Variants in ZNF703 observed in about 807,000 individuals in gnomAD.
ZNF703 encodes zinc finger protein 703.
In ZNF703, 18 loss-of-function variants were observed where a neutral mutation model predicts 30.7. That is an observed-to-expected ratio of 0.59 (90% CI 0.40 to 0.87). ZNF703 has a LOEUF of 0.87. Ranked by LOEUF, ZNF703 falls within the 40% of genes least tolerant of loss-of-function variation. The probability of loss-of-function intolerance (pLI) is 0.00; values close to 1 mark genes in which losing one functional copy is unlikely to be tolerated. For synonymous variants in ZNF703, 457 were observed against 438.6 expected (o/e 1.04, Z -0.52); for missense variants, 814 against 847.8 (o/e 0.96, Z 0.50).
In ZNF703 at chr8:37,698,345, C is replaced by A. The variant is rs1479690521; in HGVS notation, c.1444C>A (p.Arg482=). Reference sequence around the variant, plus strand: ...CTCGGAGGAGCTGCTCAGCCACCTACGGACCCACACGGCCCTGCCGGGAGC... The same window carrying A: ...CTCGGAGGAGCTGCTCAGCCACCTAAGGACCCACACGGCCCTGCCGGGAGC... ...ATSEELLSHL[R]THTALPGAEK... is the part of the protein sequence containing the mutation. Residue 482 remains arginine (R), a synonymous_variant, in exon 2 of 2, where the codon CGG becomes AGG. Transcript: ENST00000331569. The A allele has an allele frequency of 2.0e-6, 3 of 1,538,010 alleles. No individual in the cohort carries two copies. Among genetic ancestry groups the A allele is most frequent in the East Asian group, 5.0e-5 (2 of 39,634 alleles).
In ZNF703 at chr8:37,697,237, G is replaced by T; in HGVS notation, c.336G>T (p.Ser112=). The change falls in exon 2 of 2, where the codon TCG becomes TCT. Residue 112 remains serine (S), a synonymous_variant. Transcript: ENST00000331569. The stretch of plus-strand genomic sequence containing the variant: ...CGCCGCCCTCCTCCAAACTCAACTC[G>T]GTGGCGGCGGCGGCCAACGGGCTGG... ...PDPPPSSKLN[S]VAAAANGLGA... The T allele has an allele frequency of 2.5e-6, 4 of 1,595,026 alleles. No individual in the cohort carries two copies. In the South Asian group the frequency reaches 3.4e-5, roughly 13 times the overall value.
rs1802110060 is a variant in ZNF703, at chr8:37,698,242, C to T, written c.1341C>T (p.Phe447=). The T allele has an allele frequency of 6.5e-7, 1 of 1,539,160 alleles. No homozygotes were observed. Among genetic ancestry groups the T allele is most frequent in the African/African-American group, 1.4e-5 (1 of 72,486 alleles). The stretch of plus-strand genomic sequence containing the variant: ...GCCACCCGCTCTACACCTACGGCTT[C>T]ATGCTGCAGAACGAACCGCTGCCGC... ...LPGHPLYTYG[F]MLQNEPLPHS... The change falls in exon 2 of 2, where the codon TTC becomes TTT. Residue 447 remains phenylalanine, a synonymous_variant. Transcript: ENST00000331569.
rs1161883408 is a variant in ZNF703 at position 37,697,566 on chromosome 8, G to A, written c.665G>A (p.Arg222His). The part of the protein sequence containing the change: ...SSSSSSPGGS[R>H]GGSPHHSDCK... ...TCCTCGTCGTCGCCCGGCGGCTCCC[G>A]CGGCGGCTCCCCGCACCACTCTGAC... The change falls in exon 2 of 2, where the codon CGC becomes CAC. Residue 222 changes from arginine (R) to histidine (H), a missense_variant. Physicochemically the swap from Arg to His is conservative, Grantham distance 29. Transcript: ENST00000331569. 6.1e-6 allele frequency: 9 copies of A among 1,469,620 alleles called. No individual in the cohort carries two copies. The highest frequency in any genetic ancestry group is 7.2e-6 in the Non-Finnish European group (8 of 1,115,978). 91.0% of individuals were successfully genotyped at this position (1,469,620 alleles called of 1,614,324 possible).
Position 37,697,928 on chromosome 8 carries a change from G to A in ZNF703, c.1027G>A (p.Gly343Arg). 2 of 1,556,922 alleles carry A rather than the reference G, an allele frequency of 1.3e-6. No homozygotes were observed. Among genetic ancestry groups the A allele is most frequent in the Non-Finnish European group, 1.7e-6 (2 of 1,157,676 alleles). Residue 343 changes from glycine to arginine, a missense_variant, in exon 2 of 2, where the codon GGA becomes AGA. Transcript: ENST00000331569. ...GGATCCTAGCAAGTCCGGCCTCGTG[G>A]GAGGCCAGCTGTCTGGGGGCCTGGG... ...GLDPSKSGLV[G>R]GQLSGGLGLP...
In ZNF703 at chr8:37,696,994, G is replaced by C. The variant is rs1802078556; in HGVS notation, c.244-151G>C. 2 of 985,920 alleles carry C rather than the reference G, an allele frequency of 2.0e-6. No homozygotes were observed. The highest frequency in any genetic ancestry group is 1.7e-5 in the African/African-American group (1 of 58,860). 61.1% of individuals were successfully genotyped at this position (985,920 alleles called of 1,614,324 possible). A position where few individuals can be genotyped will look rare whatever the true frequency, so the allele number is the denominator to read the frequency against. ...CAGTGTGGGCGCAGTTCCGCCAGCTGCCGCGCCCGGCCCGGCCCTCGCTCG... is the reference window on the plus strand; with the variant it reads ...CAGTGTGGGCGCAGTTCCGCCAGCTCCCGCGCCCGGCCCGGCCCTCGCTCG... On this transcript the variant is annotated intron_variant, in intron 1 of 1. Transcript: ENST00000331569. The surrounding 1 kb of genome is among the most constrained non-coding windows in gnomAD (Gnocchi z 8.2).
At position 37,695,902 on chromosome 8, in the gene ZNF703, A is replaced by AG; in HGVS notation, c.-77dup. ...GCACCGCGATCGACGCTGCGGAGCGAGCCCACCCGCCCCGGGAGCTCGCCT... is the reference window on the plus strand; with the variant it reads ...GCACCGCGATCGACGCTGCGGAGCGAGGCCCACCCGCCCCGGGAGCTCGCCT... On this transcript the variant is annotated 5_prime_UTR_variant, in exon 1 of 2. Transcript: ENST00000331569. 101 of 1,288,034 alleles carry AG rather than the reference A, an allele frequency of 7.8e-5. No homozygotes were observed. The highest frequency in any genetic ancestry group is 9.5e-5 in the Non-Finnish European group (93 of 978,458). The allele number at this position is 1,288,034 out of a possible 1,614,324, so 79.8% of individuals were successfully genotyped here.
Position 37,696,291 on chromosome 8 carries a change from G to A in ZNF703, c.243+69G>A. ...CCACCGCGACCGGGACCCTGACCCAGCTCCCAGCGCCCCGGGGCTCGGTGC... is the reference window on the plus strand; with the variant it reads ...CCACCGCGACCGGGACCCTGACCCAACTCCCAGCGCCCCGGGGCTCGGTGC... On this transcript the variant is annotated intron_variant, in intron 1 of 1. Coordinates refer to ENST00000331569, the MANE Select transcript of ZNF703 (RefSeq NM_025069.3). The surrounding 1 kb of genome is among the most constrained non-coding windows in gnomAD (Gnocchi z 8.2). The A allele has an allele frequency of 2.0e-6, 3 of 1,484,714 alleles. No individual in the cohort carries two copies. Among genetic ancestry groups the A allele is most frequent in the Non-Finnish European group, 1.8e-6 (2 of 1,115,780 alleles). The allele number at this position is 1,484,714 out of a possible 1,614,324, so 92.0% of individuals were successfully genotyped here. A position where few individuals can be genotyped will look rare whatever the true frequency, so the allele number is the denominator to read the frequency against.
Position 37,696,091 on chromosome 8 carries a change from C to G in ZNF703, c.112C>G (p.Pro38Ala). 6.3e-7 allele frequency: 1 copy of G among 1,588,674 alleles called. No homozygotes were observed. Among genetic ancestry groups the G allele is most frequent in the Non-Finnish European group, 8.6e-7 (1 of 1,167,684 alleles). ...AVPAAVSLLP[P>A]ADPLRQANRL... ...GCCGGCAGCGGTGTCCCTCTTGCCA[C>G]CGGCGGACCCCCTGCGCCAGGCGAA... The change falls in exon 1 of 2, where the codon CCG becomes GCG. Residue 38 changes from proline (P) to alanine (A), a missense_variant. Physicochemically the swap from Pro to Ala is conservative, Grantham distance 27 (BLOSUM62 -1). Transcript: ENST00000331569. The surrounding 1 kb of genome is among the most constrained non-coding windows in gnomAD (Gnocchi z 8.2).
rs911068285 is a variant in ZNF703, at chr8:37,697,568, G to A, written c.667G>A (p.Gly223Ser). The A allele has an allele frequency of 2.7e-6, 4 of 1,469,510 alleles. No individual in the cohort carries two copies. Among genetic ancestry groups the A allele is most frequent in the Non-Finnish European group, 3.6e-6 (4 of 1,115,910 alleles). 91.0% of individuals were successfully genotyped at this position (1,469,510 alleles called of 1,614,324 possible). ...SSSSSPGGSR[G>S]GSPHHSDCKN... ...CTCGTCGTCGCCCGGCGGCTCCCGC[G>A]GCGGCTCCCCGCACCACTCTGACTG... Residue 223 changes from glycine to serine, a missense_variant, in exon 2 of 2, where the codon GGC (glycine) becomes AGC (serine). Gly to Ser is a moderately conservative substitution (Grantham distance 56, BLOSUM62 0). Coordinates refer to ENST00000331569, the MANE Select transcript of ZNF703 (RefSeq NM_025069.3).
At position 37,699,473 on chromosome 8, in the gene ZNF703, C is replaced by G. The variant is rs1431291394; in HGVS notation, c.*799C>G. The stretch of plus-strand genomic sequence containing the variant: ...CCCTGACCCCACCAGTAGGCTCGCC[C>G]CCAGAAGGGCCCAAGTGGCCGTCTA... On this transcript the variant is annotated 3_prime_UTR_variant, in exon 2 of 2. Coordinates refer to ENST00000331569, the MANE Select transcript of ZNF703 (RefSeq NM_025069.3). 1 of 152,308 alleles carries G rather than the reference C, an allele frequency of 6.6e-6. No homozygotes were observed. Among genetic ancestry groups the G allele is most frequent in the Non-Finnish European group, 1.5e-5 (1 of 68,152 alleles). 9.4% of individuals were successfully genotyped at this position (152,308 alleles called of 1,614,324 possible). A position where few individuals can be genotyped will look rare whatever the true frequency, so the allele number is the denominator to read the frequency against.
Position 37,698,445 on chromosome 8 carries a change from C to A in ZNF703, c.1544C>A (p.Ser515Tyr), listed in dbSNP as rs1404678457. The stretch of plus-strand genomic sequence containing the variant: ...GCCGCCGCCGCCGCCGCCGCCGCCT[C>A]CTGCCATCTGCACCTCCCCCCGCCC... Reference protein sequence around the residue: ...SAAAAAAAAASCHLHLPPPAA... With the variant: ...SAAAAAAAAAYCHLHLPPPAA... Residue 515 changes from serine (S) to tyrosine (Y), a missense_variant, in exon 2 of 2, where the codon TCC (serine) becomes TAC (tyrosine). Coordinates refer to ENST00000331569, the MANE Select transcript of ZNF703 (RefSeq NM_025069.3). 6.7e-7 allele frequency: 1 copy of A among 1,487,058 alleles called. No homozygotes were observed. The highest frequency in any genetic ancestry group is 8.9e-7 in the Non-Finnish European group (1 of 1,121,066). The allele number at this position is 1,487,058 out of a possible 1,614,324, so 92.1% of individuals were successfully genotyped here. A position where few individuals can be genotyped will look rare whatever the true frequency, so the allele number is the denominator to read the frequency against.
chr8:37,697,088 C>A, intron 1 of ZNF703, 57 bp from the exon 2 acceptor site: 1 of 1,433,424 alleles, frequency 7.0e-7, no homozygotes, highest in South Asian at 1.5e-5. Context: ...CCCCCGCTCG[C>A]CCCGCAGGCC....
In ZNF703 at chr8:37,696,252, C is replaced by G; in HGVS notation, c.243+30C>G. On this transcript the variant is annotated intron_variant, in intron 1 of 1. Transcript: ENST00000331569. The surrounding 1 kb of genome is among the most constrained non-coding windows in gnomAD (Gnocchi z 8.2). ...GTCCCCGGCCGCTGCCCCCGGGCGC[C>G]GGCCCCATTCCTCCCACCGCGACCG... The G allele has an allele frequency of 6.5e-7, 1 of 1,550,244 alleles. No individual in the cohort carries two copies. Among genetic ancestry groups the G allele is most frequent in the Non-Finnish European group, 8.7e-7 (1 of 1,146,196 alleles).
intron 1 of ZNF703, 143 bp from the exon 2 acceptor site, chr8:37,697,002 C>T: frequency 9.6e-7 from 1 of 1,044,438 alleles, no homozygotes; most frequent in Non-Finnish European, 1.2e-6. Flanking sequence ...CTGCCGCGCC[C>T]GGCCCGGCCC....
rs1447521999 is a variant in ZNF703, at chr8:37,698,291, A to G, written c.1390A>G (p.Ser464Gly). The change falls in exon 2 of 2, where the codon AGT (serine) becomes GGT (glycine). Residue 464 changes from serine (S) to glycine (G), a missense_variant. Transcript: ENST00000331569. ...LPHSCNWVAA[S>G]GPCDKRFATS... ...GCACAGCTGCAACTGGGTGGCAGCC[A>G]GTGGGCCGTGCGACAAGCGCTTCGC... The G allele has an allele frequency of 6.5e-7, 1 of 1,539,928 alleles. No individual in the cohort carries two copies. The highest frequency in any genetic ancestry group is 8.7e-7 in the Non-Finnish European group (1 of 1,146,168).
rs1802089176 is a variant in ZNF703, at chr8:37,697,414, C to T, written c.513C>T (p.Gly171=). ...SGGGDSRKDS[G]SSSVSSTSSS... Reference sequence around the variant, plus strand: ...GCGGCGACTCCCGCAAAGACAGCGGCTCCTCCTCGGTGTCTTCCACCTCCT... The same window carrying T: ...GCGGCGACTCCCGCAAAGACAGCGGTTCCTCCTCGGTGTCTTCCACCTCCT... Residue 171 remains glycine (G), a synonymous_variant, in exon 2 of 2, where the codon GGC becomes GGT. Transcript: ENST00000331569. 1 of 1,551,174 alleles carries T rather than the reference C, an allele frequency of 6.4e-7. No homozygotes were observed. Among genetic ancestry groups the T allele is most frequent in the African/African-American group, 1.4e-5 (1 of 72,464 alleles).
Position 37,698,370 on chromosome 8 carries a change from C to A in ZNF703, c.1469C>A (p.Ala490Asp), listed in dbSNP as rs1331631291. ...HLRTHTALPGAEKLLAAYPGA... is the reference protein window; with the variant it reads ...HLRTHTALPGDEKLLAAYPGA... ...CGGACCCACACGGCCCTGCCGGGAG[C>A]CGAGAAACTTCTGGCCGCCTACCCC... Residue 490 changes from alanine to aspartate, a missense_variant, in exon 2 of 2, where the codon GCC becomes GAC. Transcript: ENST00000331569. 2 of 1,527,060 alleles carry A rather than the reference C, an allele frequency of 1.3e-6. No homozygotes were observed. Among genetic ancestry groups the A allele is most frequent in the South Asian group, 2.4e-5 (2 of 81,706 alleles). 94.6% of individuals were successfully genotyped at this position (1,527,060 alleles called of 1,614,324 possible).
rs1802095138 is a variant in ZNF703, at chr8:37,697,666, G to T, written c.765G>T (p.Pro255=). The change falls in exon 2 of 2, where the codon CCG becomes CCT. Residue 255 remains proline (P), a synonymous_variant. Transcript: ENST00000331569. The stretch of plus-strand genomic sequence containing the variant: ...AGGAGCCCAAGCCCAGCCCGGAGCC[G>T]GCAGCCGTGAGCCGCGGCGGCGGTG... ...KDQEPKPSPE[P]AAVSRGGGGE... The T allele has an allele frequency of 2.2e-6, 3 of 1,339,440 alleles. No individual in the cohort carries two copies. The highest frequency in any genetic ancestry group is 1.9e-6 in the Non-Finnish European group (2 of 1,052,504). 83.0% of individuals were successfully genotyped at this position (1,339,440 alleles called of 1,614,324 possible).
rs1014521033 is a variant in ZNF703 at position 37,697,696 on chromosome 8, G to C, written c.795G>C (p.Glu265Asp). 1 of 1,340,022 alleles carries C rather than the reference G, an allele frequency of 7.5e-7. No homozygotes were observed. The highest frequency in any genetic ancestry group is 1.5e-5 in the African/African-American group (1 of 64,850). 83.0% of individuals were successfully genotyped at this position (1,340,022 alleles called of 1,614,324 possible). A position where few individuals can be genotyped will look rare whatever the true frequency, so the allele number is the denominator to read the frequency against. The change falls in exon 2 of 2, where the codon GAG becomes GAC. Residue 265 changes from glutamate to aspartate, a missense_variant. Coordinates refer to ENST00000331569, the MANE Select transcript of ZNF703 (RefSeq NM_025069.3). ...PAAVSRGGGG[E>D]PGAHGGAESG... ...CCGTGAGCCGCGGCGGCGGTGGGGA[G>C]CCCGGGGCGCACGGTGGCGCCGAGT...
Sources: allele counts gnomAD v4.1 joint callset, GRCh38; gene constraint gnomAD v4.1.1; non-coding constraint Gnocchi (gnomAD v3.1); transcripts MANE v1.5; gene names NCBI Gene and HGNC (gene_info 2026-07-23, HGNC 2026-07-21).